The following FUBP3 variants were observed in gnomAD, a reference collection of about 807,000 sequenced individuals.
The protein encoded by FUBP3 is far upstream element binding protein 3, also known as far upstream element-binding protein 3.
A neutral mutation model predicts 85.6 loss-of-function variants in FUBP3; 28 were observed. The ratio of observed to expected loss-of-function variants is 0.33; its 90% confidence interval spans 0.24 to 0.45. FUBP3 has a LOEUF of 0.45. Ranked by LOEUF, FUBP3 falls within the 20% of genes least tolerant of loss-of-function variation. The probability of loss-of-function intolerance (pLI) is 1.00; values close to 1 mark genes in which losing one functional copy is unlikely to be tolerated. For synonymous variants in FUBP3, 271 were observed against 271.4 expected (o/e 1.00, Z 0.01); for missense variants, 583 against 755.1 (o/e 0.77, Z 2.67).
chr9:130,636,942 G>A (rs1370837816), intron 18 of FUBP3, 72 bp from the exon 19 acceptor site: 3 of 1,337,862 alleles, frequency 2.2e-6, no homozygotes, highest in South Asian at 2.3e-5. Flanking sequence ...CGCGAGACCT[G>A]GGGGAGGTCA....
intron 14 of FUBP3, 136 bp downstream of exon 14, chr9:130,631,766 C>T: frequency 1.2e-6 from 1 of 838,862 alleles, no homozygotes; most frequent in Non-Finnish European, 2.0e-6. Context: ...TTCTTTTCCT[C>T]TCACCAGCGG....
intron 10 of FUBP3, among the ~76,000 whole-genome samples, chr9:130,623,253 G>T (rs117683435): frequency 6.6e-6 from 1 of 152,060 alleles, no homozygotes; most frequent in Non-Finnish European, 1.5e-5. Context: ...CAAAATTTTC[G>T]ACGTGGTCTG....
Position 130,589,673 on chromosome 9 carries a change from GTGTATATATATATATA to G in FUBP3, c.85-5808_85-5793del, listed in dbSNP as rs1215193806. The stretch of plus-strand genomic sequence containing the variant: ...TTATTTTAAATATGTATGTATGTGT[GTGTATATATATATATA>G]TATATATATATATATATTTTTTTTT... On this transcript the variant is annotated intron_variant, in intron 1 of 18. Transcript: ENST00000319725. 4.9e-4 allele frequency among the ~76,000 whole-genome samples: 14 copies of G among 28,348 alleles called. 1 individual carries two copies. Among genetic ancestry groups the G allele is most frequent in the African/African-American group, 1.6e-3 (12 of 7,660 alleles). 18.6% of individuals were successfully genotyped at this position (28,348 alleles called of 152,430 possible).
At chr9:130,634,116 T>C (rs1182357651) in intron 16 of FUBP3, among the ~76,000 whole-genome samples, 2 of 152,134 alleles carry the variant, frequency 1.3e-5, no homozygotes, top group Non-Finnish European at 2.9e-5. Flanking sequence ...CCACATAGCC[T>C]AGAGGGTGAA....
chr9:130,607,729 G>A (rs760858657), intron 2 of FUBP3, among the ~76,000 whole-genome samples: 16 of 152,242 alleles, frequency 1.1e-4, no homozygotes, highest in South Asian at 6.2e-4. Context: ...GGAATGTTCC[G>A]AAGGGAATGA....
intron 1 of FUBP3, among the ~76,000 whole-genome samples, chr9:130,591,598 A>T (rs1429191651): frequency 6.6e-6 from 1 of 152,206 alleles, no homozygotes; most frequent in Non-Finnish European, 1.5e-5. Flanking sequence ...AATGTAATTT[A>T]TACATTGTAA....
chr9:130,581,026 A>G (rs918440967), intron 1 of FUBP3: 2 of 152,202 alleles, frequency 1.3e-5, no homozygotes, highest in African/African-American at 4.8e-5. Context: ...TCTCCTCTAC[A>G]GTACAGGGTC....
intron 11 of FUBP3, 144 bp downstream of exon 11, chr9:130,623,855 C>T: frequency 2.1e-6 from 1 of 483,868 alleles, no homozygotes; most frequent in East Asian, 3.4e-5. Context: ...TCTACATCAG[C>T]CTCTTTCCTG....
At chr9:130,636,182 C>T in intron 18 of FUBP3, 56 bp downstream of exon 18, 1 of 1,568,120 alleles carries the variant, frequency 6.4e-7, no homozygotes, top group Non-Finnish European at 8.8e-7. Flanking sequence ...CCCCTGCTCC[C>T]AAGCCTTCTG....
chr9:130,624,679 GTTAGTGTA>G (rs1241138125), intron 11 of FUBP3, among the ~76,000 whole-genome samples: 2 of 151,050 alleles, frequency 1.3e-5, no homozygotes, highest in African/African-American at 4.9e-5. Flanking sequence ...TATCATTAAT[GTTAGTGTA>G]TTTTATGGGT....
chr9:130,626,350 T>C lies in FUBP3; in HGVS notation c.976-14T>C. ...GCAGTGGCAGAGGTCGCTACAGCCC[T>C]GTGATCTTTCCAGGAAAGAGACGGC... On this transcript the variant is annotated splice_polypyrimidine_tract_variant and intron_variant, in intron 11 of 18. Transcript: ENST00000319725. The C allele has an allele frequency of 1.2e-6, 2 of 1,608,530 alleles. No individual in the cohort carries two copies. The highest frequency in any genetic ancestry group is 1.7e-6 in the Non-Finnish European group (2 of 1,177,464).
intron 1 of FUBP3, among the ~76,000 whole-genome samples, chr9:130,591,403 A>G (rs1830621383): frequency 6.6e-6 from 1 of 152,204 alleles, no homozygotes; most frequent in Non-Finnish European, 1.5e-5. Flanking sequence ...AGAACCTCCT[A>G]GAGAATCATG....
At chr9:130,617,481 T>C (rs1832068923) in intron 7 of FUBP3, among the ~76,000 whole-genome samples, 1 of 152,218 alleles carries the variant, frequency 6.6e-6, no homozygotes, top group Admixed American at 6.5e-5. Flanking sequence ...TCCACAGAAG[T>C]TCTAATCACA....
chr9:130,593,605 C>T (rs1194947675), intron 1 of FUBP3, among the ~76,000 whole-genome samples: 9 of 152,218 alleles, frequency 5.9e-5, no homozygotes, highest in Non-Finnish European at 1.2e-4. Context: ...ATTTGGTTTT[C>T]AGTATCATGA....
chr9:130,586,631 T>C (rs1384961234), intron 1 of FUBP3, among the ~76,000 whole-genome samples: 1 of 152,062 alleles, frequency 6.6e-6, no homozygotes, highest in Non-Finnish European at 1.5e-5. Context: ...GAGGTGCACA[T>C]GGGTAATATA....
chr9:130,604,046 C>T (rs773962660), intron 2 of FUBP3, among the ~76,000 whole-genome samples: 1 of 152,186 alleles, frequency 6.6e-6, no homozygotes, highest in African/African-American at 2.4e-5. Flanking sequence ...TGGAATATCA[C>T]TCAGCGGTAA....
At chr9:130,595,998 T>C (rs1455754739) in intron 2 of FUBP3, among the ~76,000 whole-genome samples, 1 of 152,246 alleles carries the variant, frequency 6.6e-6, no homozygotes, top group Non-Finnish European at 1.5e-5. Context: ...AAGAGAAGAA[T>C]GGTGACCTTT....
rs1832003056 is a variant in FUBP3 at position 130,616,257 on chromosome 9, AC to A, written c.405-97del. 1 of 1,138,488 alleles carries A rather than the reference AC, an allele frequency of 8.8e-7. No homozygotes were observed. 70.5% of individuals were successfully genotyped at this position (1,138,488 alleles called of 1,614,324 possible). On this transcript the variant is annotated intron_variant, in intron 6 of 18. Coordinates refer to ENST00000319725, the MANE Select transcript of FUBP3 (RefSeq NM_003934.2). This position sits in a 1 kb window ranked among gnomAD's most constrained non-coding sequence, Gnocchi z 4.7. ...TGGAGCTGGATGGAGGGCTGCCCTGACTCCCGCAGGTTTTTCCCTCAGTGCT... is the reference window on the plus strand; with the variant it reads ...TGGAGCTGGATGGAGGGCTGCCCTGATCCCGCAGGTTTTTCCCTCAGTGCT...
chr9:130,613,306 C>G (rs1477889969), intron 5 of FUBP3, among the ~76,000 whole-genome samples: 1 of 152,226 alleles, frequency 6.6e-6, no homozygotes, highest in African/African-American at 2.4e-5. Flanking sequence ...CCTATGTTTT[C>G]TGCACCAGAA....
Sources: gnomAD v4.1 joint callset for allele counts (sites outside exome capture counted in the v4.1 genomes callset) on GRCh38, gnomAD v4.1.1 for gene constraint, Gnocchi (gnomAD v3.1) non-coding constraint, MANE v1.5 for transcripts, NCBI Gene and HGNC (gene_info 2026-07-23, HGNC 2026-07-21) for gene names.